Variants in WWOX observed in about 807,000 individuals in gnomAD.
WWOX encodes the protein WW domain containing oxidoreductase.
WWOX carries 69 observed loss-of-function variants against 46.2 expected under a neutral mutation model. That is an observed-to-expected ratio of 1.49 (90% CI 1.23 to 1.82). WWOX has a LOEUF of 1.82. Ranked by LOEUF, WWOX falls within the 40% of genes most tolerant of loss-of-function variation. The pLI, the probability that WWOX is intolerant of heterozygous loss-of-function variation, is 0.00. For synonymous variants in WWOX, 359 were observed against 202.6 expected, an observed-to-expected ratio of 1.77 and a Z score of -6.56; for missense variants, 919 against 542.6, an observed-to-expected ratio of 1.69 and a Z score of -6.89.
At chr16:78,699,058 G>C (rs745415900) in intron 8 of WWOX, among the ~76,000 whole-genome samples, 2 of 152,118 alleles carry the variant, frequency 1.3e-5, no homozygotes, top group African/African-American at 4.8e-5. Flanking sequence ...AGTTCAGATG[G>C]TGTGTGTTAC....
intron 8 of WWOX, among the ~76,000 whole-genome samples, chr16:78,687,220 T>C (rs140825740): frequency 3.3e-4 from 51 of 152,296 alleles, no homozygotes; most frequent in African/African-American, 1.2e-3. Flanking sequence ...TAACAGTAAA[T>C]CCAAGTTGCT....
chr16:79,104,834 C>G (rs143125266), intron 8 of WWOX, among the ~76,000 whole-genome samples: 174 of 152,238 alleles, frequency 1.1e-3, no homozygotes, highest in Non-Finnish European at 4.3e-4. Flanking sequence ...ACTGTGCGTA[C>G]TTGCAATCCC....
intron 8 of WWOX, among the ~76,000 whole-genome samples, chr16:78,655,913 C>T (rs888638719): frequency 1.3e-5 from 2 of 152,014 alleles, no homozygotes; most frequent in African/African-American, 4.8e-5. Flanking sequence ...TGTATTCGAG[C>T]GTGGTTATCT....
intron 8 of WWOX, among the ~76,000 whole-genome samples, chr16:78,444,640 C>G (rs571404382): frequency 6.6e-6 from 1 of 151,392 alleles, no homozygotes; most frequent in Non-Finnish European, 1.5e-5. Flanking sequence ...AAGCAATTCT[C>G]CTGCCTCAGA....
chr16:78,175,311 G>C (rs66560271), intron 5 of WWOX, among the ~76,000 whole-genome samples: 31,282 of 152,162 alleles, frequency 0.21, 3,787 homozygotes, highest in Admixed American at 0.29. Context: ...GTAAAAGGAA[G>C]CCTTAGAAGT....
At chr16:78,665,296 A>G (rs1567474564) in intron 8 of WWOX, among the ~76,000 whole-genome samples, 2 of 152,132 alleles carry the variant, frequency 1.3e-5, no homozygotes, top group South Asian at 4.2e-4. Context: ...GAGAGTTTTC[A>G]GTTATGCATG....
At chr16:78,281,626 C>T (rs12598759) in intron 5 of WWOX, among the ~76,000 whole-genome samples, 31,581 of 152,024 alleles carry the variant, frequency 0.21, 3,542 homozygotes, top group East Asian at 0.46. Flanking sequence ...GCATAAACGA[C>T]ATGTAAAGGA....
chr16:78,638,862 C>G (rs1004866695), intron 8 of WWOX, among the ~76,000 whole-genome samples: 3 of 150,888 alleles, frequency 2.0e-5, no homozygotes, highest in African/African-American at 7.3e-5. Context: ...TTTTTTTTTT[C>G]TTCTATTTGC....
chr16:79,024,725 A>G (rs896443818), intron 8 of WWOX, among the ~76,000 whole-genome samples: 5 of 151,906 alleles, frequency 3.3e-5, no homozygotes, highest in Admixed American at 6.6e-5. Flanking sequence ...ATGAGCCACC[A>G]TGCCTGGCCC....
At chr16:79,171,101 A>G (rs2050691608) in intron 8 of WWOX, among the ~76,000 whole-genome samples, 1 of 152,342 alleles carries the variant, frequency 6.6e-6, no homozygotes, top group East Asian at 1.9e-4. Context: ...ACCCAGTGCT[A>G]GGCACGTGAG....
chr16:78,432,393 A>C, intron 7 of WWOX, 95 bp from the exon 8 acceptor site: 1 of 1,529,574 alleles, frequency 6.5e-7, no homozygotes, highest in South Asian at 1.1e-5. Flanking sequence ...GATGTGAGCC[A>C]CTGCACCCAG....
chr16:78,211,371 ACATG>A (rs1330360812), intron 5 of WWOX, among the ~76,000 whole-genome samples: 1 of 152,190 alleles, frequency 6.6e-6, no homozygotes, highest in Non-Finnish European at 1.5e-5. Context: ...TACATCAAAT[ACATG>A]CTGTGGGCCT....
chr16:78,250,274 C>G (rs1343731218), intron 5 of WWOX, among the ~76,000 whole-genome samples: 23 of 152,244 alleles, frequency 1.5e-4, no homozygotes. Flanking sequence ...GCCAGGGTCA[C>G]AAGCTCGGTT....
chr16:78,402,941 T>C (rs775960129), intron 6 of WWOX, among the ~76,000 whole-genome samples: 4 of 152,204 alleles, frequency 2.6e-5, no homozygotes, highest in Non-Finnish European at 2.9e-5. Context: ...CAAGGTTGTA[T>C]TTCTTCATTA....
intron 8 of WWOX, among the ~76,000 whole-genome samples, chr16:78,734,845 T>C (rs1299797240): frequency 1.9e-5 from 1 of 52,186 alleles, no homozygotes; most frequent in Non-Finnish European, 3.2e-5. Context: ...TCAGTCCTTT[T>C]TTTTTTTTTT....
intron 6 of WWOX, among the ~76,000 whole-genome samples, chr16:78,403,691 C>T (rs1011178680): frequency 3.9e-5 from 6 of 152,210 alleles, no homozygotes; most frequent in African/African-American, 7.2e-5. Context: ...GGCACTGCTT[C>T]GCATGGGGGC....
At chr16:78,287,879 C>T (rs2079795582) in intron 5 of WWOX, among the ~76,000 whole-genome samples, 1 of 152,100 alleles carries the variant, frequency 6.6e-6, no homozygotes, top group South Asian at 2.1e-4. Flanking sequence ...TTTAATGTTC[C>T]ATTCTGAAGA....
chr16:78,985,505 C>G (rs370296651), intron 8 of WWOX, among the ~76,000 whole-genome samples: 141 of 152,296 alleles, frequency 9.3e-4, no homozygotes, highest in African/African-American at 2.9e-3. Flanking sequence ...CGCGGTGGCT[C>G]ACGCTGTAAT....
chr16:79,130,674 A>C (rs1182213514), intron 8 of WWOX, among the ~76,000 whole-genome samples: 2 of 152,238 alleles, frequency 1.3e-5, no homozygotes, highest in Admixed American at 6.5e-5. Flanking sequence ...GGGCAACAAG[A>C]AACAATGACT....
Sources: allele counts gnomAD v4.1 joint callset (sites outside exome capture counted in the v4.1 genomes callset), GRCh38; gene constraint gnomAD v4.1.1; transcripts MANE v1.5; gene names NCBI Gene and HGNC (gene_info 2026-07-23, HGNC 2026-07-21).